The following ALPK1 variants were observed in gnomAD, a reference collection of about 807,000 sequenced individuals.
ALPK1 encodes the protein alpha kinase 1.
In ALPK1, 110 loss-of-function variants were observed where a neutral mutation model predicts 120.6. That is an observed-to-expected ratio of 0.91 (90% CI 0.78 to 1.07). The LOEUF (loss-of-function observed/expected upper bound fraction) is 1.07. Among genes scored for constraint, ALPK1 ranks in the 50% least tolerant of loss-of-function variants. The pLI, the probability that ALPK1 is intolerant of heterozygous loss-of-function variation, is 0.00. For synonymous variants in ALPK1, 582 were observed against 560.3 expected, an observed-to-expected ratio of 1.04 and a Z score of -0.55; for missense variants, 1,498 against 1,483.9, an observed-to-expected ratio of 1.01 and a Z score of -0.16.
In ALPK1 at chr4:112,382,531, C is replaced by T. The variant is rs769736029; in HGVS notation, c.255C>T (p.Gly85=). The change falls in exon 4 of 16, where the codon GGC becomes GGT. Residue 85 remains glycine, a synonymous_variant. Coordinates refer to ENST00000650871, the MANE Select transcript of ALPK1 (RefSeq NM_025144.4). ...AAACAAACCTGAAGGATGTGATTGG[C>T]GCCGGGTTGCAGCAGTTACTGGTAG... ...EDKTNLKDVI[G]AGLQQLLASL... is the part of the protein sequence containing the mutation. 7 of 1,614,000 alleles carry T rather than the reference C, an allele frequency of 4.3e-6. No individual in the cohort carries two copies. Among genetic ancestry groups the T allele is most frequent in the East Asian group, 2.2e-5 (1 of 44,892 alleles).
In ALPK1 at chr4:112,439,722, G is replaced by C; in HGVS notation, c.3388G>C (p.Val1130Leu). 1 of 1,612,382 alleles carries C rather than the reference G, an allele frequency of 6.2e-7. No homozygotes were observed. Among genetic ancestry groups the C allele is most frequent in the Non-Finnish European group, 8.5e-7 (1 of 1,179,390 alleles). Residue 1130 changes from valine to leucine, a missense_variant, in exon 14 of 16, where the codon GTG becomes CTG. Physicochemically the swap from Val to Leu is conservative, Grantham distance 32 (BLOSUM62 1). Transcript: ENST00000650871. ...CAAGACAATAAAGGGATGTATCAGT[G>C]TGGAGCCTTACATACTGGGAGAATT... ...EDKTIKGCIS[V>L]EPYILGEFVK... is the part of the protein sequence containing the mutation.
intron 1 of ALPK1, among the ~76,000 whole-genome samples, chr4:112,311,577 A>G (rs2110532351): frequency 6.6e-6 from 1 of 152,300 alleles, no homozygotes; most frequent in South Asian, 2.1e-4. Context: ...TACTTTGCCT[A>G]AGATGACACA....
chr4:112,390,062 G>A (rs1317252709), intron 4 of ALPK1, among the ~76,000 whole-genome samples: 1 of 152,148 alleles, frequency 6.6e-6, no homozygotes, highest in East Asian at 1.9e-4. Flanking sequence ...TCCATGCACA[G>A]AGGTGTTTGT....
In ALPK1 at chr4:112,441,147, A is replaced by G. The variant is rs199830600; in HGVS notation, c.3727+42A>G. Reference sequence around the variant, plus strand: ...ATGGATTGGTAATGTGACAGACCTTAGTGATGCTCTCAAATATCTGGTGAT... The same window carrying G: ...ATGGATTGGTAATGTGACAGACCTTGGTGATGCTCTCAAATATCTGGTGAT... On this transcript the variant is annotated intron_variant, in intron 15 of 15. Transcript: ENST00000650871. The G allele has an allele frequency of 2.8e-5, 45 of 1,613,930 alleles. No individual in the cohort carries two copies. The African/African-American group carries it at 5.6e-4, about 20-fold the overall frequency.
At chr4:112,394,543 G>A (rs555540061) in intron 4 of ALPK1, among the ~76,000 whole-genome samples, 1 of 152,274 alleles carries the variant, frequency 6.6e-6, no homozygotes, top group South Asian at 2.1e-4. Flanking sequence ...CAGACTTTAA[G>A]GTAGAGTCTG....
At chr4:112,383,378 G>T (rs753940468) in intron 4 of ALPK1, 1 of 151,780 alleles carries the variant, frequency 6.6e-6, no homozygotes. Flanking sequence ...ATTGCTTTAC[G>T]TAAGATTGTA....
chr4:112,396,198 T>C lies in ALPK1; in HGVS notation c.276+13646T>C, dbSNP rs904809780. 2.6e-5 allele frequency among the ~76,000 whole-genome samples: 4 copies of C among 152,328 alleles called. No individual in the cohort carries two copies. The South Asian group carries it at 8.3e-4, about 32-fold the overall frequency. ...GATATTTTTCAGAATACCTGTTGCA[T>C]AGCATACTGTTGTCAGCCACTTGTC... On this transcript the variant is annotated intron_variant, in intron 4 of 15. Coordinates refer to ENST00000650871, the MANE Select transcript of ALPK1 (RefSeq NM_025144.4).
At position 112,427,664 on chromosome 4, in the gene ALPK1, T is replaced by G; in HGVS notation, c.794T>G (p.Leu265Trp). The change falls in exon 9 of 16, where the codon TTG (leucine) becomes TGG (tryptophan). Residue 265 changes from leucine to tryptophan, a missense_variant and splice_region_variant. Physicochemically the swap from Leu to Trp is moderately conservative, Grantham distance 61. Transcript: ENST00000650871. ...TTTAAAAACAATCCACAAATTAATTTGGTAATTATCATAACACTGAGTGGC... is the reference window on the plus strand; with the variant it reads ...TTTAAAAACAATCCACAAATTAATTGGGTAATTATCATAACACTGAGTGGC... ...EKFKNNPQIN[L>W]SLLKEFDHHL... The G allele has an allele frequency of 6.2e-7, 1 of 1,606,152 alleles. No homozygotes were observed. Among genetic ancestry groups the G allele is most frequent in the Non-Finnish European group, 8.5e-7 (1 of 1,172,898 alleles).
At chr4:112,314,849 A>G (rs1728563303) in intron 1 of ALPK1, among the ~76,000 whole-genome samples, 1 of 150,632 alleles carries the variant, frequency 6.6e-6, no homozygotes, top group Non-Finnish European at 1.5e-5. Flanking sequence ...TGAAAAATGT[A>G]AATTACTGGG....
At chr4:112,396,660 C>G (rs1327077722) in intron 4 of ALPK1, among the ~76,000 whole-genome samples, 1 of 152,188 alleles carries the variant, frequency 6.6e-6, no homozygotes, top group South Asian at 2.1e-4. Context: ...CACAATCTCA[C>G]CCTCAATCCA....
At chr4:112,401,915 A>C (rs893779337) in intron 4 of ALPK1, among the ~76,000 whole-genome samples, 1 of 152,188 alleles carries the variant, frequency 6.6e-6, no homozygotes, top group Non-Finnish European at 1.5e-5. Context: ...TGAAATGTTT[A>C]CAGGCCCTGG....
chr4:112,356,473 C>T, intron 2 of ALPK1: 2 of 954,564 alleles, frequency 2.1e-6, no homozygotes, highest in Non-Finnish European at 3.4e-6. Flanking sequence ...GCCTTTAGGA[C>T]CCACTCGCAA....
rs148410610 is a variant in ALPK1 at position 112,438,638 on chromosome 4, A to G, written c.3343A>G (p.Ile1115Val). 1.7e-4 allele frequency: 277 copies of G among 1,613,262 alleles called. No individual in the cohort carries two copies. The highest frequency in any genetic ancestry group is 2.2e-4 in the Non-Finnish European group (261 of 1,179,542). ...CCAGATATTCTACATCCCATCCACA[A>G]TACTACTGGTAAGATTATCCTGAAC... The part of the protein sequence containing the change: ...PTQIFYIPST[I>V]LLILEDKTIK... Residue 1115 changes from isoleucine to valine, a missense_variant, in exon 13 of 16, where the codon ATA becomes GTA. Ile to Val is a conservative substitution (Grantham distance 29, BLOSUM62 3). Coordinates refer to ENST00000650871, the MANE Select transcript of ALPK1 (RefSeq NM_025144.4).
intron 9 of ALPK1, chr4:112,427,888 A>G (rs1445330160): frequency 5.3e-6 from 2 of 377,542 alleles, no homozygotes; most frequent in Admixed American, 4.2e-5. Flanking sequence ...GTGCTCAGAA[A>G]GTTACTGGTG....
At chr4:112,344,963 G>A (rs934983602) in intron 2 of ALPK1, among the ~76,000 whole-genome samples, 22 of 152,088 alleles carry the variant, frequency 1.4e-4, no homozygotes, top group African/African-American at 3.1e-4. Context: ...CTACTTTTTC[G>A]TATTTAAAAA....
chr4:112,364,277 G>T (rs564697465), intron 2 of ALPK1, among the ~76,000 whole-genome samples: 2 of 151,334 alleles, frequency 1.3e-5, no homozygotes, highest in East Asian at 3.9e-4. Context: ...ACAAAAAGCT[G>T]GTTCTTTGAG....
chr4:112,326,573 T>G (rs1729129297), intron 2 of ALPK1, among the ~76,000 whole-genome samples: 1 of 152,136 alleles, frequency 6.6e-6, no homozygotes, highest in South Asian at 2.1e-4. Context: ...AGCTTTCCAT[T>G]TCCTTGTTCT....
chr4:112,398,869 G>A (rs543164310), intron 4 of ALPK1, among the ~76,000 whole-genome samples: 1 of 152,134 alleles, frequency 6.6e-6, no homozygotes, highest in South Asian at 2.1e-4. Context: ...GGGTGTAGAG[G>A]ACAAGAGAAA....
intron 2 of ALPK1, chr4:112,357,216 G>T (rs1730674110): frequency 1.3e-6 from 2 of 1,544,546 alleles, no homozygotes; most frequent in East Asian, 4.5e-5. Flanking sequence ...CAGACCAAGG[G>T]CTGCATCCTG....
Sources: gnomAD v4.1 joint callset for allele counts (sites outside exome capture counted in the v4.1 genomes callset) on GRCh38, gnomAD v4.1.1 for gene constraint, MANE v1.5 for transcripts, NCBI Gene and HGNC (gene_info 2026-07-23, HGNC 2026-07-21) for gene names.